Variants in MSRB3 observed in about 807,000 individuals in gnomAD.
MSRB3 encodes methionine sulfoxide reductase B3.
MSRB3 carries 13 observed loss-of-function variants against 21.0 expected under a neutral mutation model. The observed-to-expected ratio is 0.62, with a 90% CI of 0.40 to 0.98. The LOEUF (loss-of-function observed/expected upper bound fraction) is 0.98, where lower values mean the gene tolerates loss of function less well. MSRB3 is among the 50% of genes least tolerant of loss of function. MSRB3 has a pLI of 0.00. For synonymous variants in MSRB3, 87 were observed against 88.6 expected, an observed-to-expected ratio of 0.98 and a Z score of 0.10; for missense variants, 199 against 230.3, an observed-to-expected ratio of 0.86 and a Z score of 0.88.
At chr12:65,360,810 C>G (rs1218776836) in intron 4 of MSRB3, among the ~76,000 whole-genome samples, 1 of 152,168 alleles carries the variant, frequency 6.6e-6, no homozygotes, top group African/African-American at 2.4e-5. Context: ...GCACTATGCA[C>G]TCAAGTGCAT....
chr12:65,310,717 A>T (rs57767667), intron 2 of MSRB3, among the ~76,000 whole-genome samples: 1 of 152,262 alleles, frequency 6.6e-6, no homozygotes, highest in African/African-American at 2.4e-5. Context: ...TTAAATTTTG[A>T]TAAAATGATT....
chr12:65,284,319 G>C (rs773611565), intron 1 of MSRB3: 1 of 152,212 alleles, frequency 6.6e-6, no homozygotes, highest in Non-Finnish European at 1.5e-5. Context: ...TGTTTTGAGA[G>C]TTTCTCTTAA....
rs543319033 is a variant in MSRB3 at position 65,462,128 on chromosome 12, A to G, written c.391-1027A>G. ...CAGGCACTCCATTAATAAACGAATG[A>G]ATGGAAGTCATTTACCCCAGGCTTT... is the stretch of plus-strand genomic sequence containing the variant. On this transcript the variant is annotated intron_variant, in intron 6 of 6. Transcript: ENST00000308259. 2.6e-5 allele frequency among the ~76,000 whole-genome samples: 4 copies of G among 152,314 alleles called. No individual in the cohort carries two copies. The South Asian group carries it at 8.3e-4, about 32-fold the overall frequency.
intron 3 of MSRB3, among the ~76,000 whole-genome samples, chr12:65,327,567 A>T (rs1158179124): frequency 6.6e-6 from 1 of 152,226 alleles, no homozygotes; most frequent in Non-Finnish European, 1.5e-5. Context: ...ATTCCAGCTC[A>T]AAGGTAACTT....
At chr12:65,279,142 C>T (rs1372507104) in intron 1 of MSRB3, 6 of 1,235,276 alleles carry the variant, frequency 4.9e-6, no homozygotes, top group Non-Finnish European at 4.2e-6. Flanking sequence ...TATCCTGTCC[C>T]GGGAGCGAAC....
At chr12:65,352,417 C>T (rs1877073000) in intron 4 of MSRB3, among the ~76,000 whole-genome samples, 1 of 149,306 alleles carries the variant, frequency 6.7e-6, no homozygotes, top group Non-Finnish European at 1.5e-5. Flanking sequence ...ACAGGGATGC[C>T]CTCTCTCACC....
intron 1 of MSRB3, chr12:65,305,222 C>T (rs1320067733): frequency 6.6e-6 from 1 of 152,062 alleles, no homozygotes; most frequent in Admixed American, 6.6e-5. Flanking sequence ...CGCCCACCAC[C>T]ATGCCTGGTT....
At chr12:65,287,836 A>G (rs1474691208) in intron 1 of MSRB3, among the ~76,000 whole-genome samples, 2 of 152,104 alleles carry the variant, frequency 1.3e-5, no homozygotes, top group Non-Finnish European at 2.9e-5. Flanking sequence ...ATCCTTGTGT[A>G]TGTGTTTGTG....
At chr12:65,405,948 G>GT (rs1880391746) in intron 5 of MSRB3, among the ~76,000 whole-genome samples, 1 of 151,930 alleles carries the variant, frequency 6.6e-6, no homozygotes, top group African/African-American at 2.4e-5. Context: ...TCTTATTTGA[G>GT]TTTTTTATAT....
intron 5 of MSRB3, among the ~76,000 whole-genome samples, chr12:65,409,174 GTGTT>G (rs942899552): frequency 3.3e-5 from 5 of 151,534 alleles, no homozygotes; most frequent in African/African-American, 9.7e-5. Flanking sequence ...ACGTGTGTGT[GTGTT>G]TGTGTGTGTA....
chr12:65,396,478 G>A (rs571654073), intron 5 of MSRB3, among the ~76,000 whole-genome samples: 50 of 152,220 alleles, frequency 3.3e-4, no homozygotes, highest in African/African-American at 1.1e-3. Flanking sequence ...ATCACCTGAG[G>A]TCAGGAGTTC....
At chr12:65,351,853 C>G (rs1202371436) in intron 4 of MSRB3, among the ~76,000 whole-genome samples, 8 of 151,956 alleles carry the variant, frequency 5.3e-5, no homozygotes, top group Middle Eastern at 3.2e-3. Context: ...TCCAGGACCA[C>G]ATGGATTCAC....
At chr12:65,451,606 ATGAGTGAACTCTATGAACTTCATGTT>A (rs1882861180) in intron 5 of MSRB3, among the ~76,000 whole-genome samples, 1 of 152,142 alleles carries the variant, frequency 6.6e-6, no homozygotes, top group Non-Finnish European at 1.5e-5. Context: ...ACCCTGTAAA[ATGAGTGAACTCTATGAACTTCATGTT>A]TCTCCTCTCC....
At chr12:65,401,093 T>G (rs1230960363) in intron 5 of MSRB3, among the ~76,000 whole-genome samples, 1 of 152,182 alleles carries the variant, frequency 6.6e-6, no homozygotes, top group African/African-American at 2.4e-5. Flanking sequence ...TCTGTTGATT[T>G]GGGGTGGAGA....
chr12:65,316,762 A>T (rs1430752048), intron 2 of MSRB3, among the ~76,000 whole-genome samples: 2 of 152,158 alleles, frequency 1.3e-5, no homozygotes, highest in African/African-American at 4.8e-5. Context: ...CTATATGAAC[A>T]CTTTCTCTTT....
intron 4 of MSRB3, among the ~76,000 whole-genome samples, chr12:65,366,278 G>A (rs1002913293): frequency 6.6e-6 from 1 of 152,150 alleles, no homozygotes; most frequent in Non-Finnish European, 1.5e-5. Flanking sequence ...CTTTCATTCA[G>A]CTGACAACTT....
At chr12:65,327,200 T>C (rs1422618270) in intron 3 of MSRB3, among the ~76,000 whole-genome samples, 1 of 152,214 alleles carries the variant, frequency 6.6e-6, no homozygotes, top group Non-Finnish European at 1.5e-5. Context: ...TACTACAAAA[T>C]GTGTGGAAGT....
chr12:65,336,138 T>A (rs1875747808), intron 4 of MSRB3, among the ~76,000 whole-genome samples: 1 of 152,220 alleles, frequency 6.6e-6, no homozygotes, highest in Admixed American at 6.5e-5. Context: ...TTTTCTATCT[T>A]CAACTCAACT....
rs540392699 is a variant in MSRB3 at position 65,402,463 on chromosome 12, G to A, written c.292+33437G>A. Among the ~76,000 whole-genome samples the A allele has an allele frequency of 2.3e-4, 35 of 152,104 alleles. 1 individual carries two copies. Among genetic ancestry groups the A allele is most frequent in the Admixed American group, 1.4e-3 (22 of 15,248 alleles). ...TTGCGCTGTGTTTTTCAGGTCCATC[G>A]GGGTCACTTATGTTCTTCTCTAAAC... On this transcript the variant is annotated intron_variant, in intron 5 of 6. Coordinates refer to ENST00000308259, the MANE Select transcript of MSRB3 (RefSeq NM_001031679.3).
Sources: gnomAD v4.1 joint callset for allele counts (sites outside exome capture counted in the v4.1 genomes callset) on GRCh38, gnomAD v4.1.1 for gene constraint, MANE v1.5 for transcripts, NCBI Gene and HGNC (gene_info 2026-07-23, HGNC 2026-07-21) for gene names.